Variants in FGF12 observed in about 807,000 individuals in gnomAD.
FGF12 encodes fibroblast growth factor 12B.
Under a neutral mutation model 23.6 loss-of-function variants are expected in FGF12, and 14 were observed. The ratio of observed to expected loss-of-function variants is 0.59; its 90% CI spans 0.39 to 0.93. The LOEUF (loss-of-function observed/expected upper bound fraction) is 0.93. Ranked by LOEUF, FGF12 falls within the 40% of genes least tolerant of loss-of-function variation. FGF12 has a pLI of 0.00. For synonymous variants in FGF12, 62 were observed against 77.3 expected (o/e 0.80, Z 1.04); for missense variants, 175 against 217.8 (o/e 0.80, Z 1.24).
chr3:192,511,675 T>C (rs1199793489), intron 2 of FGF12, among the ~76,000 whole-genome samples: 1 of 152,196 alleles, frequency 6.6e-6, no homozygotes, highest in Non-Finnish European at 1.5e-5. Flanking sequence ...AAATCTTTCA[T>C]TTAATGGATG....
intron 2 of FGF12, among the ~76,000 whole-genome samples, chr3:192,387,678 C>T (rs1378688065): frequency 1.3e-5 from 2 of 150,276 alleles, no homozygotes; most frequent in Non-Finnish European, 2.9e-5. Context: ...AAAACCCCAT[C>T]TCTACAAAAA....
chr3:192,634,963 G>A (rs368671558), intron 2 of FGF12, among the ~76,000 whole-genome samples: 16 of 152,168 alleles, frequency 1.1e-4, no homozygotes, highest in African/African-American at 2.6e-4. Flanking sequence ...AGGTTCAAGC[G>A]ATTCTCCCGC....
At chr3:192,651,694 A>G (rs1324359698) in intron 2 of FGF12, among the ~76,000 whole-genome samples, 1 of 152,198 alleles carries the variant, frequency 6.6e-6, no homozygotes, top group African/African-American at 2.4e-5. Context: ...TTATACATGG[A>G]AATATTAAGC....
In FGF12 at chr3:192,337,776, G is replaced by A. The variant is rs1717490735; in HGVS notation, c.125-2312C>T. On this transcript the variant is annotated intron_variant, in intron 3 of 5. Transcript: ENST00000445105. The stretch of plus-strand genomic sequence containing the variant: ...GATGTATCCTCTCTAAGAGCTATTT[G>A]TCATGAATACCTAATTCTTCTGTTT... Among the ~76,000 whole-genome samples the A allele has an allele frequency of 2.0e-5, 3 of 152,060 alleles. No homozygotes were observed. In the South Asian group the frequency reaches 6.2e-4, roughly 32 times the overall value.
rs574067577 is a variant in FGF12, at chr3:192,468,575, T to A, written c.14-108037A>T. On this transcript the variant is annotated intron_variant, in intron 2 of 5. Transcript: ENST00000445105. ...TTTTTTTGAAAGGATGCCACAAAAA[T>A]CATGCTGTGTCCTTCTTAGACATCA... 1.3e-4 allele frequency among the ~76,000 whole-genome samples: 20 copies of A among 152,320 alleles called. No individual in the cohort carries two copies. In the South Asian group the frequency reaches 4.1e-3, roughly 32 times the overall value.
chr3:192,202,023 A>G (rs982935405), intron 4 of FGF12, among the ~76,000 whole-genome samples: 1 of 152,200 alleles, frequency 6.6e-6, no homozygotes, highest in Non-Finnish European at 1.5e-5. Flanking sequence ...TGAATTACCA[A>G]ATTGACTTTG....
At chr3:192,716,392 GA>G (rs144207605) in intron 2 of FGF12, among the ~76,000 whole-genome samples, 3 of 151,932 alleles carry the variant, frequency 2.0e-5, no homozygotes, top group Admixed American at 6.6e-5. Flanking sequence ...CAGATAATGG[GA>G]AAAAAATAGT....
chr3:192,476,281 T>C (rs11919392), intron 2 of FGF12, among the ~76,000 whole-genome samples: 15,186 of 152,106 alleles, frequency 0.1, 2,460 homozygotes, highest in African/African-American at 0.34. Context: ...ATTTAGTTCT[T>C]ACCTATGAGG....
At chr3:192,167,757 A>G (rs1457869059) in intron 5 of FGF12, among the ~76,000 whole-genome samples, 3 of 30,570 alleles carry the variant, frequency 9.8e-5, no homozygotes, top group African/African-American at 4.4e-4. Flanking sequence ...ATATATATAT[A>G]TATATATATA....
intron 4 of FGF12, among the ~76,000 whole-genome samples, chr3:192,274,702 G>A (rs996006976): frequency 7.9e-5 from 12 of 152,196 alleles, no homozygotes; most frequent in South Asian, 2.1e-4. Flanking sequence ...TTAAGGATAC[G>A]TAAGCATTTG....
At chr3:192,510,662 G>A (rs1365921174) in intron 2 of FGF12, among the ~76,000 whole-genome samples, 1 of 152,178 alleles carries the variant, frequency 6.6e-6, no homozygotes, top group Non-Finnish European at 1.5e-5. Flanking sequence ...AGAAAAACAT[G>A]CACAAGGATG....
At chr3:192,646,106 A>G (rs1415734473) in intron 2 of FGF12, among the ~76,000 whole-genome samples, 1 of 152,178 alleles carries the variant, frequency 6.6e-6, no homozygotes, top group Non-Finnish European at 1.5e-5. Flanking sequence ...GATACTGAAA[A>G]GGTCAGTGTG....
At chr3:192,683,192 A>G (rs568418739) in intron 2 of FGF12, among the ~76,000 whole-genome samples, 7 of 152,348 alleles carry the variant, frequency 4.6e-5, no homozygotes, top group African/African-American at 1.7e-4. Flanking sequence ...AAGCAGCCCA[A>G]GGAACCCGAA....
chr3:192,305,579 A>G (rs1715579951), intron 4 of FGF12, among the ~76,000 whole-genome samples: 2 of 151,482 alleles, frequency 1.3e-5, no homozygotes, highest in African/African-American at 4.9e-5. Flanking sequence ...ACACAAATGA[A>G]GAAATAAAAG....
intron 2 of FGF12, among the ~76,000 whole-genome samples, chr3:192,527,560 T>G (rs1196654260): frequency 6.6e-6 from 1 of 152,230 alleles, no homozygotes; most frequent in Non-Finnish European, 1.5e-5. Context: ...TATGTAGATA[T>G]GAAAATCACT....
At chr3:192,197,261 C>T (rs1717116065) in intron 4 of FGF12, among the ~76,000 whole-genome samples, 1 of 152,148 alleles carries the variant, frequency 6.6e-6, no homozygotes, top group South Asian at 2.1e-4. Flanking sequence ...ACTCTATAGA[C>T]AGTTACTGTG....
chr3:192,156,632 G>A (rs1300802269), intron 5 of FGF12, among the ~76,000 whole-genome samples: 1 of 152,068 alleles, frequency 6.6e-6, no homozygotes, highest in Non-Finnish European at 1.5e-5. Flanking sequence ...TGGCTTTTCT[G>A]GGTTGTCCTT....
chr3:192,140,532 C>T lies in FGF12; in HGVS notation c.*3477G>A, dbSNP rs775152193. 4 of 151,950 alleles carry T rather than the reference C, an allele frequency of 2.6e-5. No homozygotes were observed. The highest frequency in any genetic ancestry group is 5.9e-5 in the Non-Finnish European group (4 of 67,880). The allele number at this position is 151,950 out of a possible 1,614,324, so 9.4% of individuals were successfully genotyped here. ...AATCAGTGCTCCCAAATTAGGAATTCCAAACTTTTCAATATGCAACCTTTA... is the reference window on the plus strand; with the variant it reads ...AATCAGTGCTCCCAAATTAGGAATTTCAAACTTTTCAATATGCAACCTTTA... On this transcript the variant is annotated 3_prime_UTR_variant, in exon 6 of 6. Coordinates refer to ENST00000445105, the MANE Select transcript of FGF12 (RefSeq NM_004113.6).
chr3:192,298,995 C>T (rs1031614490), intron 4 of FGF12, among the ~76,000 whole-genome samples: 1 of 152,168 alleles, frequency 6.6e-6, no homozygotes, highest in African/African-American at 2.4e-5. Context: ...AAGAATGGCA[C>T]CAGGCAATTC....
Sources: allele counts gnomAD v4.1 joint callset (sites outside exome capture counted in the v4.1 genomes callset), GRCh38; gene constraint gnomAD v4.1.1; transcripts MANE v1.5; gene names NCBI Gene and HGNC (gene_info 2026-07-23, HGNC 2026-07-21).